Variants in GRID1 observed in about 807,000 individuals in gnomAD.
The protein encoded by GRID1 is glutamate receptor ionotropic, delta-1.
Under a neutral mutation model 98.0 loss-of-function variants are expected in GRID1, and 28 were observed. The ratio of observed to expected loss-of-function variants is 0.29; its 90% CI spans 0.21 to 0.39. The LOEUF is 0.39. Among genes scored for constraint, GRID1 ranks in the 10% least tolerant of loss-of-function variants. GRID1 has a pLI of 1.00. For missense variants in GRID1, 1,111 were observed against 1,340.5 expected (o/e 0.83, Z 2.67); for synonymous variants, 553 against 538.5 (o/e 1.03, Z -0.37).
intron 4 of GRID1, among the ~76,000 whole-genome samples, chr10:86,101,918 AC>A (rs1844302051): frequency 6.6e-6 from 1 of 152,128 alleles, no homozygotes; most frequent in Admixed American, 6.5e-5. Context: ...GTATGGCTGT[AC>A]CACAGTTTGT....
At chr10:85,751,906 C>T (rs1842049466) in intron 8 of GRID1, among the ~76,000 whole-genome samples, 1 of 152,096 alleles carries the variant, frequency 6.6e-6, no homozygotes, top group Non-Finnish European at 1.5e-5. Context: ...TAATTTTATG[C>T]AAGCCCAGGG....
intron 4 of GRID1, among the ~76,000 whole-genome samples, chr10:86,137,830 T>C (rs758144978): frequency 7.7e-4 from 117 of 152,182 alleles, no homozygotes; most frequent in Non-Finnish European, 1.3e-3. Context: ...TCCCCAGCAG[T>C]GGGCTTTGGG....
intron 5 of GRID1, among the ~76,000 whole-genome samples, chr10:85,881,569 A>AT (rs1169022621): frequency 6.6e-6 from 1 of 152,232 alleles, no homozygotes; most frequent in Non-Finnish European, 1.5e-5. Flanking sequence ...CTGGCTAGCC[A>AT]TATGTAGAAA....
chr10:85,651,283 T>C (rs538678023), intron 12 of GRID1, among the ~76,000 whole-genome samples: 36 of 152,336 alleles, frequency 2.4e-4, no homozygotes, highest in African/African-American at 8.7e-4. Flanking sequence ...GTTCAAATGG[T>C]TGGAACACTG....
chr10:85,682,878 A>G (rs897287260), intron 12 of GRID1, among the ~76,000 whole-genome samples: 2 of 152,252 alleles, frequency 1.3e-5, no homozygotes, highest in African/African-American at 2.4e-5. Flanking sequence ...TTAGATGTGC[A>G]AGAAGATTCG....
intron 8 of GRID1, among the ~76,000 whole-genome samples, chr10:85,828,736 C>A (rs1329731680): frequency 6.6e-6 from 1 of 152,048 alleles, no homozygotes; most frequent in Admixed American, 6.6e-5. Context: ...TGGAAACATA[C>A]AACCTCCCAA....
rs1373735111 is a variant in GRID1 at position 85,911,943 on chromosome 10, T to C, written c.780+4243A>G. 3.3e-5 allele frequency among the ~76,000 whole-genome samples: 5 copies of C among 152,216 alleles called. 1 individual carries two copies. Among genetic ancestry groups the C allele is most frequent in the Non-Finnish European group, 7.3e-5 (5 of 68,038 alleles). ...GACTGGGCTTGAACTTGGCAACATCTAATGAATGACCCAGAGAGGTCCTTT... is the reference window on the plus strand; with the variant it reads ...GACTGGGCTTGAACTTGGCAACATCCAATGAATGACCCAGAGAGGTCCTTT... On this transcript the variant is annotated intron_variant, in intron 5 of 15. Coordinates refer to ENST00000327946, the MANE Select transcript of GRID1 (RefSeq NM_017551.3).
intron 2 of GRID1, among the ~76,000 whole-genome samples, chr10:86,329,983 A>T (rs1263064000): frequency 1.3e-5 from 2 of 152,056 alleles, no homozygotes; most frequent in Admixed American, 1.3e-4. Context: ...GATCTCGAGG[A>T]TGGGCTCCCT....
intron 4 of GRID1, among the ~76,000 whole-genome samples, chr10:85,999,117 C>A (rs975344666): frequency 9.2e-5 from 14 of 151,452 alleles, no homozygotes; most frequent in Admixed American, 9.2e-4. Context: ...GAGGCTGAGG[C>A]ACGAGAATCA....
intron 8 of GRID1, among the ~76,000 whole-genome samples, chr10:85,838,580 C>A (rs529479803): frequency 1.3e-5 from 2 of 151,598 alleles, no homozygotes; most frequent in South Asian, 2.1e-4. Flanking sequence ...AGCAAAGGAG[C>A]ATTTTCAGAT....
intron 4 of GRID1, among the ~76,000 whole-genome samples, chr10:86,040,850 G>A (rs779407608): frequency 5.9e-5 from 9 of 152,036 alleles, no homozygotes; most frequent in Non-Finnish European, 8.8e-5. Context: ...AACATCACAC[G>A]GTACCCCCAA....
intron 2 of GRID1, among the ~76,000 whole-genome samples, chr10:86,225,787 G>A (rs769113779): frequency 6.6e-6 from 1 of 152,204 alleles, no homozygotes; most frequent in African/African-American, 2.4e-5. Flanking sequence ...ACATGAGGTA[G>A]CTGTACTTTA....
At chr10:85,757,954 G>A (rs1842114595) in intron 8 of GRID1, among the ~76,000 whole-genome samples, 1 of 152,192 alleles carries the variant, frequency 6.6e-6, no homozygotes, top group South Asian at 2.1e-4. Context: ...GTAGGCAGGG[G>A]CCAGGAATTT....
At chr10:85,859,596 T>C (rs1238051811) in intron 6 of GRID1, among the ~76,000 whole-genome samples, 1 of 152,220 alleles carries the variant, frequency 6.6e-6, no homozygotes, top group Non-Finnish European at 1.5e-5. Flanking sequence ...AGCAATTTGT[T>C]CTTGTCTAAA....
chr10:85,994,357 G>A (rs12243346), intron 4 of GRID1, among the ~76,000 whole-genome samples: 1,838 of 152,266 alleles, frequency 0.012, 41 homozygotes, highest in African/African-American at 0.041. Flanking sequence ...AGAGGACAAA[G>A]CTCACCTGGC....
At chr10:86,178,739 G>A (rs1454108073) in intron 3 of GRID1, among the ~76,000 whole-genome samples, 1 of 152,112 alleles carries the variant, frequency 6.6e-6, no homozygotes, top group East Asian at 1.9e-4. Context: ...GAGAGGCTCT[G>A]ATTTCACTCC....
chr10:85,615,150 T>C lies in GRID1; in HGVS notation c.2361-1503A>G, dbSNP rs374837069. Among the ~76,000 whole-genome samples the C allele has an allele frequency of 2.6e-5, 4 of 152,276 alleles. No homozygotes were observed. In the East Asian group the frequency reaches 7.7e-4, roughly 29 times the overall value. ...TCTTGCTCAATTCCCACACATGGGC[T>C]TGTGTCTGGTGGAGACAAGAGCCAC... On this transcript the variant is annotated intron_variant, in intron 14 of 15. Transcript: ENST00000327946.
chr10:86,362,680 C>T (rs1164233587), intron 2 of GRID1, among the ~76,000 whole-genome samples: 1 of 152,186 alleles, frequency 6.6e-6, no homozygotes, highest in South Asian at 2.1e-4. Flanking sequence ...CAGAATTCCT[C>T]CTTCCAACAC....
At chr10:85,810,673 T>C (rs1219050529) in intron 8 of GRID1, among the ~76,000 whole-genome samples, 1 of 152,082 alleles carries the variant, frequency 6.6e-6, no homozygotes, top group African/African-American at 2.4e-5. Flanking sequence ...CCGGCCGACA[T>C]GCCCCTAAGC....
Sources: gnomAD v4.1 joint callset for allele counts (sites outside exome capture counted in the v4.1 genomes callset) on GRCh38, gnomAD v4.1.1 for gene constraint, MANE v1.5 for transcripts, NCBI Gene and HGNC (gene_info 2026-07-23, HGNC 2026-07-21) for gene names.